ARMH3: variants seen among roughly 807,000 people sequenced by gnomAD.
ARMH3 encodes armadillo-like helical domain-containing protein 3.
A neutral mutation model predicts 99.1 loss-of-function variants in ARMH3; 60 were observed. The observed-to-expected ratio is 0.61, with a 90% CI of 0.49 to 0.75. The LOEUF (loss-of-function observed/expected upper bound fraction) is 0.75, where lower values mean the gene tolerates loss of function less well. Ranked by LOEUF, ARMH3 falls within the 30% of genes least tolerant of loss-of-function variation. The pLI, the probability that ARMH3 is intolerant of heterozygous loss-of-function variation, is 0.00. For missense variants in ARMH3, 679 were observed against 843.1 expected, an observed-to-expected ratio of 0.81 and a Z score of 2.41; for synonymous variants, 285 against 292.8, an observed-to-expected ratio of 0.97 and a Z score of 0.27.
intron 23 of ARMH3, among the ~76,000 whole-genome samples, chr10:101,909,632 G>A (rs1842787536): frequency 6.6e-6 from 1 of 151,856 alleles, no homozygotes. Context: ...ACCAGGCCCA[G>A]CTAATTTTTG....
intron 2 of ARMH3, among the ~76,000 whole-genome samples, chr10:102,035,159 G>A (rs1244917535): frequency 6.6e-6 from 1 of 152,014 alleles, no homozygotes; most frequent in African/African-American, 2.4e-5. Context: ...CCCGGATCAC[G>A]AGGTCAGGAG....
At chr10:101,920,930 T>C (rs1461063819) in intron 23 of ARMH3, among the ~76,000 whole-genome samples, 2 of 152,252 alleles carry the variant, frequency 1.3e-5, no homozygotes, top group South Asian at 4.1e-4. Context: ...CTATAAGGTA[T>C]CTAAAATAGT....
intron 23 of ARMH3, among the ~76,000 whole-genome samples, chr10:101,924,992 C>CA (rs1461350124): frequency 6.6e-6 from 1 of 151,868 alleles, no homozygotes; most frequent in Non-Finnish European, 1.5e-5. Context: ...GACTCCGTCT[C>CA]AAAAAACAAA....
At chr10:101,938,961 T>G (rs972623684) in intron 23 of ARMH3, among the ~76,000 whole-genome samples, 3 of 152,146 alleles carry the variant, frequency 2.0e-5, no homozygotes, top group African/African-American at 7.2e-5. Flanking sequence ...AGTAAATCAC[T>G]GCAGGGACAG....
intron 9 of ARMH3, 90 bp downstream of exon 9, chr10:102,013,878 C>A: frequency 9.1e-7 from 1 of 1,103,626 alleles, no homozygotes; most frequent in South Asian, 1.5e-5. Flanking sequence ...CAGAATAGCT[C>A]TCTGCTCTCT....
chr10:102,025,281 A>C (rs1419168808), intron 5 of ARMH3, 33 bp from the exon 6 acceptor site: 2 of 1,537,336 alleles, frequency 1.3e-6, no homozygotes, highest in Non-Finnish European at 1.8e-6. Flanking sequence ...ATTAAACCAT[A>C]CCAGATAACA....
intron 5 of ARMH3, among the ~76,000 whole-genome samples, chr10:102,027,821 G>A (rs1001836511): frequency 6.6e-6 from 1 of 151,236 alleles, no homozygotes; most frequent in African/African-American, 2.4e-5. Context: ...AACTTTTTTT[G>A]TAACCTAATC....
chr10:101,967,936 A>C (rs1441194018), intron 20 of ARMH3, among the ~76,000 whole-genome samples: 1 of 152,198 alleles, frequency 6.6e-6, no homozygotes, highest in South Asian at 2.1e-4. Context: ...CACTGACTAA[A>C]GGCTCCACAT....
intron 5 of ARMH3, among the ~76,000 whole-genome samples, chr10:102,029,018 G>A (rs1299408028): frequency 6.6e-6 from 1 of 152,108 alleles, no homozygotes; most frequent in African/African-American, 2.4e-5. Flanking sequence ...GGACTTACAG[G>A]CACGTGCCAC....
chr10:101,859,334 G>T (rs2066808055), intron 24 of ARMH3, among the ~76,000 whole-genome samples: 1 of 152,188 alleles, frequency 6.6e-6, no homozygotes, highest in Non-Finnish European at 1.5e-5. Flanking sequence ...GTGTAGCAGG[G>T]CCCCTGAGAC....
intron 8 of ARMH3, among the ~76,000 whole-genome samples, chr10:102,019,493 ATG>A (rs2066827410): frequency 6.6e-6 from 1 of 152,150 alleles, no homozygotes; most frequent in African/African-American, 2.4e-5. Context: ...TAACAGCTTC[ATG>A]TGTGTTATTT....
chr10:101,890,557 T>G (rs148586783), intron 23 of ARMH3, among the ~76,000 whole-genome samples: 1 of 152,332 alleles, frequency 6.6e-6, no homozygotes, highest in African/African-American at 2.4e-5. Flanking sequence ...ATCTTTCTCA[T>G]AGAACAATTT....
At chr10:101,995,514 C>T (rs1385203371) in intron 15 of ARMH3, among the ~76,000 whole-genome samples, 159 bp from the exon 16 acceptor site, 1 of 152,184 alleles carries the variant, frequency 6.6e-6, no homozygotes, top group Non-Finnish European at 1.5e-5. Context: ...GTAATTCTTG[C>T]TTCCCTCCTA....
intron 22 of ARMH3, among the ~76,000 whole-genome samples, chr10:101,948,346 A>C (rs1195576612): frequency 1.3e-5 from 2 of 152,202 alleles, no homozygotes; most frequent in African/African-American, 4.8e-5. Flanking sequence ...CACTATGATC[A>C]CATCTGTGAA....
chr10:101,958,385 C>T (rs1845138746), intron 20 of ARMH3, among the ~76,000 whole-genome samples: 1 of 152,208 alleles, frequency 6.6e-6, no homozygotes, highest in Non-Finnish European at 1.5e-5. Flanking sequence ...ATTCCTAAAA[C>T]CCAAGCAACC....
chr10:102,010,868 A>T (rs2066615703), intron 11 of ARMH3, among the ~76,000 whole-genome samples: 1 of 152,216 alleles, frequency 6.6e-6, no homozygotes, highest in South Asian at 2.1e-4. Context: ...GGAGTTAAAG[A>T]GTTTATCAGG....
chr10:101,959,287 G>A (rs1337316654), intron 20 of ARMH3, among the ~76,000 whole-genome samples: 6 of 152,170 alleles, frequency 3.9e-5, no homozygotes, highest in Non-Finnish European at 8.8e-5. Flanking sequence ...CCTCCTTAAA[G>A]AAGATCACCT....
chr10:102,034,778 C>T (rs1363977622), intron 2 of ARMH3, among the ~76,000 whole-genome samples: 2 of 150,812 alleles, frequency 1.3e-5, no homozygotes, highest in Non-Finnish European at 3.0e-5. Flanking sequence ...TGCAGTGGCC[C>T]ATGCCTGTAA....
intron 23 of ARMH3, among the ~76,000 whole-genome samples, chr10:101,906,383 A>C (rs542267442): frequency 1.3e-5 from 2 of 152,318 alleles, no homozygotes; most frequent in Non-Finnish European, 2.9e-5. Flanking sequence ...CAGCAGTGTA[A>C]AGACCTATGC....
Sources: gnomAD v4.1 joint callset for allele counts (sites outside exome capture counted in the v4.1 genomes callset) on GRCh38, gnomAD v4.1.1 for gene constraint, MANE v1.5 for transcripts, NCBI Gene and HGNC (gene_info 2026-07-23, HGNC 2026-07-21) for gene names.